Variants in RSPH1 observed in about 807,000 individuals in gnomAD.
The protein encoded by RSPH1 is radial spoke head component 1.
RSPH1 carries 32 observed loss-of-function variants against 44.2 expected under a neutral mutation model. The observed-to-expected ratio is 0.72, with a 90% confidence interval of 0.55 to 0.97. The LOEUF (loss-of-function observed/expected upper bound fraction) is 0.97, where lower values mean the gene tolerates loss of function less well. RSPH1 is among the 50% of genes least tolerant of loss of function. The probability of loss-of-function intolerance (pLI) is 0.00; values close to 1 mark genes in which losing one functional copy is unlikely to be tolerated. For missense variants in RSPH1, 391 were observed against 398.7 expected, an observed-to-expected ratio of 0.98 and a Z score of 0.16; for synonymous variants, 134 against 147.3, an observed-to-expected ratio of 0.91 and a Z score of 0.65.
intron 1 of RSPH1, among the ~76,000 whole-genome samples, chr21:42,494,352 G>A (rs549401067): frequency 4.8e-4 from 73 of 152,062 alleles, no homozygotes; most frequent in Non-Finnish European, 9.3e-4. Context: ...AGAAATAAAC[G>A]TCTGTGCAAT....
At chr21:42,476,111 A>G (rs1483239784) in intron 7 of RSPH1, 64 bp from the exon 8 acceptor site, 2 of 1,568,596 alleles carry the variant, frequency 1.3e-6, no homozygotes, top group Non-Finnish European at 8.7e-7. Flanking sequence ...AGACCTGTGC[A>G]GGGCAGCTGT....
chr21:42,494,448 G>C (rs1212975790), intron 1 of RSPH1, among the ~76,000 whole-genome samples: 1 of 152,114 alleles, frequency 6.6e-6, no homozygotes, highest in Non-Finnish European at 1.5e-5. Context: ...ATTTGTTTCA[G>C]GGTTAGTTTA....
At chr21:42,495,016 T>G (rs1380320855) in intron 1 of RSPH1, among the ~76,000 whole-genome samples, 1 of 151,994 alleles carries the variant, frequency 6.6e-6, no homozygotes, top group Non-Finnish European at 1.5e-5. Flanking sequence ...TTTTAAGTGC[T>G]CTCCTGGGAG....
rs1222208557 is a variant in RSPH1, at chr21:42,485,685, T to C, written c.485A>G (p.Lys162Arg). 1 of 1,614,244 alleles carries C rather than the reference T, an allele frequency of 6.2e-7. No individual in the cohort carries two copies. Among genetic ancestry groups the C allele is most frequent in the Admixed American group, 1.7e-5 (1 of 60,034 alleles). ...TGGACTTACATTTTTGTTCAAGAAC[T>C]TGCCCTGGTACCTGTGGTTCAGGTG... ...LIHLNHRYQGKFLNKNPVGPG... is the reference protein window; with the variant it reads ...LIHLNHRYQGRFLNKNPVGPG... The change falls in exon 5 of 9, where the codon AAG becomes AGG. Residue 162 changes from lysine to arginine, a missense_variant. By Grantham distance (26) the Lys-to-Arg change is conservative (BLOSUM62 2). Coordinates refer to ENST00000291536, the MANE Select transcript of RSPH1 (RefSeq NM_080860.4).
At position 42,485,549 on chromosome 21, in the gene RSPH1, T is replaced by G. The variant is rs185947767; in HGVS notation, c.501+120A>C. On this transcript the variant is annotated intron_variant, in intron 5 of 8. Transcript: ENST00000291536. ...GCACAGCTGTCCTGTTCTCCACATT[T>G]GAATAGGCCGGACTCAGTTTTCTCT... 214 of 1,155,120 alleles carry G rather than the reference T, an allele frequency of 1.9e-4. No individual in the cohort carries two copies. The African/African-American group carries it at 2.8e-3, about 15-fold the overall frequency. The allele number at this position is 1,155,120 out of a possible 1,614,324, so 71.6% of individuals were successfully genotyped here. A position where few individuals can be genotyped will look rare whatever the true frequency, so the allele number is the denominator to read the frequency against.
At chr21:42,479,657 C>T (rs936662146) in intron 6 of RSPH1, among the ~76,000 whole-genome samples, 1 of 151,860 alleles carries the variant, frequency 6.6e-6, no homozygotes, top group African/African-American at 2.4e-5. Flanking sequence ...ATACTAAATA[C>T]CTCCCTGTCA....
chr21:42,480,367 C>T (rs578186427), intron 6 of RSPH1, among the ~76,000 whole-genome samples: 1 of 152,140 alleles, frequency 6.6e-6, no homozygotes, highest in African/African-American at 2.4e-5. Context: ...GAGGGCTGGG[C>T]GCAGTGGCTT....
At chr21:42,478,903 C>A (rs761069889) in intron 6 of RSPH1, among the ~76,000 whole-genome samples, 2 of 152,062 alleles carry the variant, frequency 1.3e-5, no homozygotes, top group Admixed American at 6.5e-5. Flanking sequence ...CATCTATATG[C>A]GACATCTAGA....
In RSPH1 at chr21:42,483,619, A is replaced by C. The variant is rs553768499; in HGVS notation, c.502-911T>G. 1.5e-4 allele frequency among the ~76,000 whole-genome samples: 23 copies of C among 152,270 alleles called. No homozygotes were observed. The South Asian group carries it at 4.6e-3, about 30-fold the overall frequency. On this transcript the variant is annotated intron_variant, in intron 5 of 8. Coordinates refer to ENST00000291536, the MANE Select transcript of RSPH1 (RefSeq NM_080860.4). ...TGTTGCAAATATTCTCTCCCCATTT[A>C]ACAGTCATCTCTTAGATTTTCTTTA...
chr21:42,493,073 C>T lies in RSPH1; in HGVS notation c.61G>A (p.Glu21Lys), dbSNP rs2146665123. ...EEGENDIGEY[E>K]GGRNEAGERH... The stretch of plus-strand genomic sequence containing the variant: ...TCGCCTGCCTCATTCCGACCCCCCT[C>T]ATATTCCTGGGTAATGAAAATTGAC... Residue 21 changes from glutamate to lysine, a missense_variant, in exon 2 of 9, where the codon GAG (glutamate) becomes AAG (lysine). By Grantham distance (56) the Glu-to-Lys change is moderately conservative (BLOSUM62 1). Coordinates refer to ENST00000291536, the MANE Select transcript of RSPH1 (RefSeq NM_080860.4). 6.2e-7 allele frequency: 1 copy of T among 1,613,746 alleles called. No homozygotes were observed. The highest frequency in any genetic ancestry group is 1.1e-5 in the South Asian group (1 of 91,032).
rs778768788 is a variant in RSPH1 at position 42,492,987 on chromosome 21, T to C, written c.147A>G (p.Glu49=). ...PNGDTYEGSY[E]FGKRHGQGIY... is the part of the protein sequence containing the mutation. ...TGACCTGGCCATGTCTTTTACCGAA[T>C]TCGTAGCTCCCTTCGTAGGTGTCCC... is the stretch of plus-strand genomic sequence containing the variant. The change falls in exon 2 of 9, where the codon GAA becomes GAG. Residue 49 remains glutamate, a synonymous_variant. Coordinates refer to ENST00000291536, the MANE Select transcript of RSPH1 (RefSeq NM_080860.4). 6.2e-7 allele frequency: 1 copy of C among 1,614,214 alleles called. No homozygotes were observed. The highest frequency in any genetic ancestry group is 1.1e-5 in the South Asian group (1 of 91,090).
chr21:42,476,593 A>T (rs2054053604), intron 7 of RSPH1, among the ~76,000 whole-genome samples: 1 of 152,046 alleles, frequency 6.6e-6, no homozygotes, highest in Non-Finnish European at 1.5e-5. Flanking sequence ...TGGGTTGGAC[A>T]TGGAGGTGCC....
Position 42,493,059 on chromosome 21 carries a change from A to T in RSPH1, c.75T>A (p.Asn25Lys). 1 of 1,614,066 alleles carries T rather than the reference A, an allele frequency of 6.2e-7. No homozygotes were observed. Among genetic ancestry groups the T allele is most frequent in the South Asian group, 1.1e-5 (1 of 91,072 alleles). ...NDIGEYEGGR[N>K]EAGERHGRGR... ...CACGTCCGTGCCTTTCGCCTGCCTC[A>T]TTCCGACCCCCCTCATATTCCTGGG... is the stretch of plus-strand genomic sequence containing the variant. The change falls in exon 2 of 9, where the codon AAT (asparagine) becomes AAA (lysine). Residue 25 changes from asparagine (N) to lysine (K), a missense_variant. Asn to Lys is a moderately conservative substitution (Grantham distance 94). Transcript: ENST00000291536.
chr21:42,473,296 G>T (rs1010605541), intron 8 of RSPH1, among the ~76,000 whole-genome samples: 1 of 152,256 alleles, frequency 6.6e-6, no homozygotes, highest in Non-Finnish European at 1.5e-5. Context: ...TTCGAGACCA[G>T]CCCGGCCAAC....
chr21:42,495,816 G>A (rs575283155), intron 1 of RSPH1, among the ~76,000 whole-genome samples: 1 of 152,154 alleles, frequency 6.6e-6, no homozygotes, highest in Non-Finnish European at 1.5e-5. Context: ...AAACTGCCTC[G>A]ATGGGAATTA....
rs1239187667 is a variant in RSPH1, at chr21:42,493,300, G to A, written c.55-221C>T. Among the ~76,000 whole-genome samples, 4 of 152,174 alleles carry A rather than the reference G, an allele frequency of 2.6e-5. No homozygotes were observed. The South Asian group carries it at 8.3e-4, about 32-fold the overall frequency. On this transcript the variant is annotated intron_variant, in intron 1 of 8. Coordinates refer to ENST00000291536, the MANE Select transcript of RSPH1 (RefSeq NM_080860.4). ...GGCCACACCCCAGCACATGTCCAGG[G>A]CGGAAGCCTCGTTCCCTCCCTCCAA...
Position 42,475,642 on chromosome 21 carries a change from C to T in RSPH1, c.877+256G>A, listed in dbSNP as rs534172870. 2.1e-3 allele frequency among the ~76,000 whole-genome samples: 305 copies of T among 144,904 alleles called. 2 individuals carry two copies. Among genetic ancestry groups the T allele is most frequent in the Non-Finnish European group, 1.3e-3 (86 of 66,560 alleles). On this transcript the variant is annotated intron_variant, in intron 8 of 8. Coordinates refer to ENST00000291536, the MANE Select transcript of RSPH1 (RefSeq NM_080860.4). Reference sequence around the variant, plus strand: ...CTGACAGGGCTCTCCAGCCTGGGGTCGGTCCTCCTGTGACAACGCGCATGG... The same window carrying T: ...CTGACAGGGCTCTCCAGCCTGGGGTTGGTCCTCCTGTGACAACGCGCATGG...
intron 4 of RSPH1, 99 bp from the exon 5 acceptor site, chr21:42,485,903 T>C (rs769582363): frequency 1.1e-5 from 16 of 1,474,878 alleles, no homozygotes; most frequent in Non-Finnish European, 1.5e-5. Flanking sequence ...GCCCAGGCTG[T>C]TGCAGGCTCA....
intron 3 of RSPH1, among the ~76,000 whole-genome samples, chr21:42,486,664 C>A (rs2054184040): frequency 6.6e-6 from 1 of 152,198 alleles, no homozygotes; most frequent in South Asian, 2.1e-4. Context: ...TCTGTTTCCA[C>A]TCTGACATCC....
Sources: gnomAD v4.1 joint callset for allele counts (sites outside exome capture counted in the v4.1 genomes callset) on GRCh38, gnomAD v4.1.1 for gene constraint, MANE v1.5 for transcripts, NCBI Gene and HGNC (gene_info 2026-07-23, HGNC 2026-07-21) for gene names.